DPP6: variants seen among roughly 807,000 people sequenced by gnomAD.
DPP6 encodes A-type potassium channel modulatory protein DPP6.
A neutral mutation model predicts 122.6 loss-of-function variants in DPP6; 69 were observed. That is an observed-to-expected ratio of 0.56 (90% CI 0.46 to 0.69). The LOEUF is 0.69. Among genes scored for constraint, DPP6 ranks in the 30% least tolerant of loss-of-function variants. The pLI is 0.00. For synonymous variants in DPP6, 418 were observed against 433.1 expected (o/e 0.97, Z 0.43); for missense variants, 928 against 1,116.9 (o/e 0.83, Z 2.41).
At chr7:153,866,304 T>C in the DPP6 span, among the ~76,000 whole-genome samples, 1 of 152,172 alleles carries the variant, frequency 6.6e-6, no homozygotes, top group East Asian at 1.9e-4. Flanking sequence ...CTACATCCTC[T>C]CCAGCACCTG....
At position 154,875,963 on chromosome 7, in the gene DPP6, G is replaced by A. The variant is rs371687724; in HGVS notation, c.1941G>A (p.Thr647=). The change falls in exon 20 of 26, where the codon ACG becomes ACA. Residue 647 remains threonine, a synonymous_variant. Transcript: ENST00000377770. This position sits in a 1 kb window ranked among gnomAD's most constrained non-coding sequence, Gnocchi z 4.5. ...VAEKFEVSWE[T]VMVSSHGAVV... ...AGAAGTTCGAGGTGAGCTGGGAGAC[G>A]GTGATGGTGAGCAGCCACGGCGCGG... The A allele has an allele frequency of 8.9e-5, 144 of 1,613,518 alleles. 2 individuals are homozygous for A. In the East Asian group the frequency reaches 1.6e-3, roughly 18 times the overall value.
intron 1 of DPP6, among the ~76,000 whole-genome samples, chr7:154,062,216 T>C (rs371143393): frequency 2.0e-5 from 2 of 98,746 alleles, no homozygotes; most frequent in East Asian, 5.8e-4. Context: ...ACTGCGGGTG[T>C]TAGGTGTCCA....
chr7:153,809,795 A>G, the DPP6 span, among the ~76,000 whole-genome samples: 1 of 147,366 alleles, frequency 6.8e-6, no homozygotes, highest in African/African-American at 2.5e-5. Context: ...ACTTTCTCAC[A>G]TCTCCCAGTT....
chr7:154,137,598 AAGG>A (rs1795620128), intron 1 of DPP6, among the ~76,000 whole-genome samples: 1 of 134,856 alleles, frequency 7.4e-6, no homozygotes, highest in African/African-American at 2.8e-5. Flanking sequence ...GCCTCTGACA[AAGG>A]AGAACAATGC....
At chr7:153,837,302 C>A in the DPP6 span, among the ~76,000 whole-genome samples, 4 of 152,120 alleles carry the variant, frequency 2.6e-5, no homozygotes, top group Admixed American at 2.6e-4. Context: ...GCAATAGCTG[C>A]CAATGTTTGG....
chr7:154,137,153 C>T (rs1304170742), intron 1 of DPP6, among the ~76,000 whole-genome samples: 4 of 152,100 alleles, frequency 2.6e-5, no homozygotes, highest in Admixed American at 6.5e-5. Flanking sequence ...ACGTTTCCAC[C>T]CCGTTGAGGA....
At chr7:154,724,660 C>T (rs909170659) in intron 7 of DPP6, among the ~76,000 whole-genome samples, 2 of 152,132 alleles carry the variant, frequency 1.3e-5, no homozygotes, top group Admixed American at 6.5e-5. Context: ...CTCCTGGCCT[C>T]CTGAGTATCC....
intron 1 of DPP6, among the ~76,000 whole-genome samples, chr7:154,386,268 G>T (rs1302499792): frequency 6.6e-6 from 1 of 152,124 alleles, no homozygotes; most frequent in African/African-American, 2.4e-5. Context: ...TTGACCAGGA[G>T]CACCATCTAG....
In DPP6 at chr7:154,605,525, T is replaced by C. The variant is rs1230844639; in HGVS notation, c.628-32296T>C. Among the ~76,000 whole-genome samples, 7 of 120,874 alleles carry C rather than the reference T, an allele frequency of 5.8e-5. 3 individuals carry two copies. Among genetic ancestry groups the C allele is most frequent in the Non-Finnish European group, 1.3e-4 (7 of 53,528 alleles). The allele number at this position is 120,874 out of a possible 152,430, so 79.3% of individuals were successfully genotyped here. On this transcript the variant is annotated intron_variant, in intron 5 of 25. Transcript: ENST00000377770. ...TTCAAAATTATTTAATAAAGTTTTGTATATTTTCATATTATATTTTTCTAC... is the reference window on the plus strand; with the variant it reads ...TTCAAAATTATTTAATAAAGTTTTGCATATTTTCATATTATATTTTTCTAC...
At chr7:154,208,121 A>G (rs78503681) in intron 1 of DPP6, among the ~76,000 whole-genome samples, 2,361 of 152,314 alleles carry the variant, frequency 0.016, 50 homozygotes, top group African/African-American at 0.054. Flanking sequence ...AACAACCTCT[A>G]TAAGTGTTAA....
intron 1 of DPP6, among the ~76,000 whole-genome samples, chr7:154,104,420 ACT>A (rs1248025726): frequency 1.3e-5 from 2 of 152,122 alleles, no homozygotes; most frequent in Non-Finnish European, 2.9e-5. Context: ...TTCCTTCAAC[ACT>A]CTGTCAAAGT....
chr7:154,319,041 C>A (rs990230221), intron 1 of DPP6, among the ~76,000 whole-genome samples: 8 of 152,174 alleles, frequency 5.3e-5, no homozygotes, highest in Admixed American at 5.2e-4. Context: ...CCCCCAGGGC[C>A]AGCAGCAGGA....
intron 1 of DPP6, among the ~76,000 whole-genome samples, chr7:153,891,818 G>T (rs1799217066): frequency 6.6e-6 from 1 of 152,220 alleles, no homozygotes. Flanking sequence ...GGCTCCACCA[G>T]TATGTGGTGG....
At chr7:153,766,076 A>G in the DPP6 span, among the ~76,000 whole-genome samples, 1 of 152,252 alleles carries the variant, frequency 6.6e-6, no homozygotes, top group African/African-American at 2.4e-5. Context: ...TTGCTGAGTC[A>G]TATGTAATGT....
intron 1 of DPP6, among the ~76,000 whole-genome samples, chr7:154,164,271 C>T (rs1403354651): frequency 6.7e-6 from 1 of 149,402 alleles, no homozygotes; most frequent in African/African-American, 2.5e-5. Context: ...CCTCTCTCCC[C>T]CGCTCCTTCC....
At position 154,611,113 on chromosome 7, in the gene DPP6, A is replaced by G. The variant is rs906511200; in HGVS notation, c.628-26708A>G. Among the ~76,000 whole-genome samples the G allele has an allele frequency of 2.6e-5, 4 of 152,138 alleles. No homozygotes were observed. In the East Asian group the frequency reaches 5.8e-4, roughly 22 times the overall value. On this transcript the variant is annotated intron_variant, in intron 5 of 25. Transcript: ENST00000377770. The stretch of plus-strand genomic sequence containing the variant: ...ATGCAGCCATCTCTGCAAAGGGCCT[A>G]ATTATAGCTGTGATGGCCAAAACTA...
At chr7:154,568,296 T>C (rs1463235824) in intron 5 of DPP6, among the ~76,000 whole-genome samples, 1 of 152,240 alleles carries the variant, frequency 6.6e-6, no homozygotes, top group Non-Finnish European at 1.5e-5. Flanking sequence ...TTGAAAGCCT[T>C]ACATGGATGT....
chr7:153,856,745 A>C, the DPP6 span, among the ~76,000 whole-genome samples: 1 of 152,202 alleles, frequency 6.6e-6, no homozygotes, highest in East Asian at 1.9e-4. Context: ...GTCAAGTGCT[A>C]ATGACTCATA....
chr7:154,443,574 ATGGATGGATGGATGAG>A (rs1334098321), intron 1 of DPP6, among the ~76,000 whole-genome samples: 2 of 150,260 alleles, frequency 1.3e-5, no homozygotes, highest in African/African-American at 5.0e-5. Context: ...GGATGAATAG[ATGGATGGATGGATGAG>A]TGGATGGATG....
Sources: gnomAD v4.1 joint callset for allele counts (sites outside exome capture counted in the v4.1 genomes callset) on GRCh38, gnomAD v4.1.1 for gene constraint, Gnocchi (gnomAD v3.1) non-coding constraint, MANE v1.5 for transcripts, NCBI Gene and HGNC (gene_info 2026-07-23, HGNC 2026-07-21) for gene names.